Variants in TMEM131 observed in about 807,000 individuals in gnomAD.
TMEM131 encodes transmembrane protein 131, also known as 2610524E03Rik.
A neutral mutation model predicts 211.6 loss-of-function variants in TMEM131; 66 were observed. That is an observed-to-expected ratio of 0.31 (90% CI 0.26 to 0.38). The LOEUF is 0.38. Among genes scored for constraint, TMEM131 ranks in the 10% least tolerant of loss-of-function variants. The pLI is 1.00. For synonymous variants in TMEM131, 844 were observed against 841.3 expected (o/e 1.00, Z -0.06); for missense variants, 2,036 against 2,299.3 (o/e 0.89, Z 2.34).
At chr2:97,859,533 A>G in intron 4 of TMEM131, 106 bp from the exon 5 acceptor site, 1 of 920,272 alleles carries the variant, frequency 1.1e-6, no homozygotes, top group Non-Finnish European at 1.5e-6. Flanking sequence ...ATAGCTAAAT[A>G]TATTAAAATG....
intron 1 of TMEM131, among the ~76,000 whole-genome samples, chr2:97,940,787 C>T (rs1284865774): frequency 1.8e-4 from 26 of 143,868 alleles, no homozygotes; most frequent in Non-Finnish European, 2.2e-4. Context: ...CCAGCCTGGG[C>T]GACAGAGCCA....
chr2:97,887,765 A>G (rs1675221071), intron 4 of TMEM131: 1 of 296,222 alleles, frequency 3.4e-6, no homozygotes, highest in South Asian at 1.3e-4. Flanking sequence ...TGAAGTGCTA[A>G]TCAAAACAGC....
intron 1 of TMEM131, among the ~76,000 whole-genome samples, chr2:97,965,184 T>C (rs1344600740): frequency 1.3e-5 from 2 of 152,226 alleles, no homozygotes; most frequent in African/African-American, 4.8e-5. Context: ...TTAAAGATCT[T>C]AAGCCGTTTA....
chr2:97,809,504 G>T (rs1240586593), intron 19 of TMEM131, among the ~76,000 whole-genome samples, 184 bp downstream of exon 19: 1 of 152,114 alleles, frequency 6.6e-6, no homozygotes, highest in Non-Finnish European at 1.5e-5. Flanking sequence ...TCCCTTTCTA[G>T]ATAGAAAACT....
rs1371830854 is a variant in TMEM131, at chr2:97,831,701, G to T, written c.1074+1664C>A. On this transcript the variant is annotated intron_variant, in intron 11 of 40. Transcript: ENST00000186436. The stretch of plus-strand genomic sequence containing the variant: ...TTTTTTTTTTTTTTGAGACAGTCTC[G>T]GTCTGTTGCCCAGGCTGGAGCACAG... Among the ~76,000 whole-genome samples the T allele has an allele frequency of 4.6e-5, 5 of 109,578 alleles. No homozygotes were observed. In the East Asian group the frequency reaches 1.2e-3, roughly 27 times the overall value. 71.9% of individuals were successfully genotyped at this position (109,578 alleles called of 152,430 possible).
At chr2:97,893,329 G>A (rs1675464743) in intron 3 of TMEM131, among the ~76,000 whole-genome samples, 1 of 152,154 alleles carries the variant, frequency 6.6e-6, no homozygotes, top group Admixed American at 6.5e-5. Flanking sequence ...CTTTGCTATA[G>A]TGAGTAGTGC....
chr2:97,904,140 CA>C (rs1248693670), intron 3 of TMEM131, among the ~76,000 whole-genome samples: 1 of 152,088 alleles, frequency 6.6e-6, no homozygotes. Flanking sequence ...GTTAATGGGA[CA>C]ATTTACAAAA....
chr2:97,936,792 A>G (rs896982758), intron 1 of TMEM131, among the ~76,000 whole-genome samples: 3 of 152,192 alleles, frequency 2.0e-5, no homozygotes, highest in Non-Finnish European at 4.4e-5. Context: ...AAAAAGTATA[A>G]AGGGACAAAA....
chr2:97,920,970 AGTGTGT>A (rs57343769), intron 2 of TMEM131, among the ~76,000 whole-genome samples: 1,608 of 146,554 alleles, frequency 0.011, 9 homozygotes, highest in Admixed American at 0.015. Context: ...AAAAATCCCG[AGTGTGT>A]GTGTGTGTGT....
chr2:97,930,217 G>T (rs1405215095), intron 1 of TMEM131, among the ~76,000 whole-genome samples: 4 of 151,862 alleles, frequency 2.6e-5, no homozygotes, highest in East Asian at 1.9e-4. Context: ...ATGTCTAATT[G>T]GCAGAGGAAA....
At chr2:97,806,086 TG>T (rs1289738268) in intron 19 of TMEM131, among the ~76,000 whole-genome samples, 1 of 152,230 alleles carries the variant, frequency 6.6e-6, no homozygotes, top group Admixed American at 6.5e-5. Flanking sequence ...CAGGCAAGAA[TG>T]CCCTGAAATC....
At chr2:97,880,151 T>TTTTTTTTTTTTTTTTTTTTTG (rs1156959853) in intron 4 of TMEM131, among the ~76,000 whole-genome samples, 1 of 152,168 alleles carries the variant, frequency 6.6e-6, no homozygotes, top group African/African-American at 2.4e-5. Flanking sequence ...AAACTATCTT[T>TTTTTTTTTTTTTTTTTTTTTG]AGAGGGGAGA....
At chr2:97,971,402 GAAA>G (rs1050379959) in intron 1 of TMEM131, among the ~76,000 whole-genome samples, 1 of 151,850 alleles carries the variant, frequency 6.6e-6, no homozygotes, top group Non-Finnish European at 1.5e-5. Flanking sequence ...AATTTTAAAA[GAAA>G]AAAAATACTG....
intron 25 of TMEM131, among the ~76,000 whole-genome samples, chr2:97,800,246 T>C (rs1333394601): frequency 6.6e-6 from 1 of 152,172 alleles, no homozygotes; most frequent in Non-Finnish European, 1.5e-5. Context: ...ATGCCTGAGA[T>C]AGAATTTACT....
At chr2:97,781,417 T>G (rs1242721855) in intron 31 of TMEM131, among the ~76,000 whole-genome samples, 1 of 152,238 alleles carries the variant, frequency 6.6e-6, no homozygotes, top group East Asian at 1.9e-4. Context: ...TAGACTGTAA[T>G]GCTCTTCTAG....
chr2:97,991,519 C>A (rs1053596455), intron 1 of TMEM131, among the ~76,000 whole-genome samples: 1 of 152,084 alleles, frequency 6.6e-6, no homozygotes, highest in Non-Finnish European at 1.5e-5. Context: ...CTGGAGGTGG[C>A]GCAAGATAAT....
intron 3 of TMEM131, among the ~76,000 whole-genome samples, chr2:97,908,058 C>T (rs1676145009): frequency 6.6e-6 from 1 of 152,122 alleles, no homozygotes; most frequent in Admixed American, 6.6e-5. Context: ...ACTTTCACCG[C>T]ATATAGAAAG....
intron 3 of TMEM131, among the ~76,000 whole-genome samples, chr2:97,902,540 G>A (rs1559436149): frequency 1.3e-5 from 2 of 152,112 alleles, no homozygotes; most frequent in South Asian, 4.1e-4. Context: ...TGTGTATACT[G>A]TACATATTTA....
chr2:97,757,239 G>C lies in TMEM131; in HGVS notation c.5512C>G (p.Pro1838Ala). The C allele has an allele frequency of 6.2e-7, 1 of 1,614,012 alleles. No homozygotes were observed. ...SIGLMGTENS[P>A]APHAPSTSSP... The stretch of plus-strand genomic sequence containing the variant: ...GAGGTGGAGGGAGCGTGAGGAGCAG[G>C]GGAGTTTTCTGTGCCCATGAGGCCG... The change falls in exon 41 of 41, where the codon CCT (proline) becomes GCT (alanine). Residue 1838 changes from proline to alanine, a missense_variant. Coordinates refer to ENST00000186436, the MANE Select transcript of TMEM131 (RefSeq NM_015348.2).
Sources: gnomAD v4.1 joint callset for allele counts (sites outside exome capture counted in the v4.1 genomes callset) on GRCh38, gnomAD v4.1.1 for gene constraint, MANE v1.5 for transcripts, NCBI Gene and HGNC (gene_info 2026-07-23, HGNC 2026-07-21) for gene names.